TTC23L: variants seen among roughly 807,000 people sequenced by gnomAD.
TTC23L encodes tetratricopeptide repeat domain 23 like, also known as tetratricopeptide repeat protein 23-like.
Under a neutral mutation model 48.1 loss-of-function variants are expected in TTC23L, and 42 were observed. The ratio of observed to expected loss-of-function variants is 0.87; its 90% CI spans 0.68 to 1.13. The LOEUF (loss-of-function observed/expected upper bound fraction) is 1.13, where lower values mean the gene tolerates loss of function less well. Among genes scored for constraint, TTC23L ranks in the 50% most tolerant of loss-of-function variants. The probability of loss-of-function intolerance (pLI) is 0.00; values close to 1 mark genes in which losing one functional copy is unlikely to be tolerated. For synonymous variants in TTC23L, 159 were observed against 157.2 expected (o/e 1.01, Z -0.09); for missense variants, 391 against 421.0 (o/e 0.93, Z 0.62).
chr5:34,915,652 G>C, the TTC23L span: 1 of 1,444,998 alleles, frequency 6.9e-7, no homozygotes, highest in East Asian at 2.6e-5. Flanking sequence ...GGAGCTGAGC[G>C]CTTAGAGCCG....
At chr5:34,925,346 G>C in the TTC23L span, 2 of 1,613,820 alleles carry the variant, frequency 1.2e-6, no homozygotes, top group African/African-American at 1.3e-5. Context: ...TCCCACTGCA[G>C]ATGTTTTTGT....
chr5:34,880,441 A>C (rs1762148090), intron 9 of TTC23L, 133 bp downstream of exon 9: 1 of 970,060 alleles, frequency 1.0e-6, no homozygotes, highest in Admixed American at 3.1e-5. Context: ...ACATTGTTTC[A>C]TTCTTTGCTA....
chr5:34,848,509 G>A (rs1311728611), intron 3 of TTC23L, among the ~76,000 whole-genome samples: 1 of 152,108 alleles, frequency 6.6e-6, no homozygotes, highest in Admixed American at 6.6e-5. Flanking sequence ...AATAGTAATA[G>A]CTAATAAAAT....
intron 9 of TTC23L, among the ~76,000 whole-genome samples, chr5:34,889,323 A>T: frequency 6.6e-6 from 1 of 151,528 alleles, no homozygotes; most frequent in Admixed American, 6.6e-5. Flanking sequence ...TTTGGACTCA[A>T]ATAAGTGTGA....
At chr5:34,923,807 A>C in the TTC23L span, among the ~76,000 whole-genome samples, 1 of 152,168 alleles carries the variant, frequency 6.6e-6, no homozygotes, top group Non-Finnish European at 1.5e-5. Flanking sequence ...CCCTAAAGAG[A>C]TTGCTGCAAG....
At chr5:34,925,125 A>G in the TTC23L span, 2 of 1,441,140 alleles carry the variant, frequency 1.4e-6, no homozygotes, top group Non-Finnish European at 1.8e-6. Flanking sequence ...TTTTCATGAC[A>G]CTGGCTGAAA....
At chr5:34,850,480 A>C (rs777141120) in intron 4 of TTC23L, among the ~76,000 whole-genome samples, 172 bp downstream of exon 4, 2 of 152,144 alleles carry the variant, frequency 1.3e-5, no homozygotes, top group Non-Finnish European at 2.9e-5. Flanking sequence ...GGATCTAAGT[A>C]ATAAAGATAA....
downstream of TTC23L, among the ~76,000 whole-genome samples, chr5:34,902,043 C>T (rs781336611): frequency 3.3e-5 from 5 of 152,162 alleles, no homozygotes; most frequent in Non-Finnish European, 7.3e-5. Flanking sequence ...GTGAATTTAG[C>T]GACAGAGAAA....
intron 8 of TTC23L, among the ~76,000 whole-genome samples, chr5:34,870,768 G>A (rs1427431776): frequency 6.6e-6 from 1 of 152,084 alleles, no homozygotes; most frequent in Non-Finnish European, 1.5e-5. Context: ...GGGTGGTATG[G>A]TCACAGACCT....
At chr5:34,853,208 G>A (rs1203047055) in intron 4 of TTC23L, among the ~76,000 whole-genome samples, 1 of 152,142 alleles carries the variant, frequency 6.6e-6, no homozygotes, top group Non-Finnish European at 1.5e-5. Context: ...GCAAGTTGAG[G>A]CCATAGGAGT....
chr5:34,839,682 G>A, intron 1 of TTC23L: 1 of 985,108 alleles, frequency 1.0e-6, no homozygotes. Flanking sequence ...GGCTCGGTGG[G>A]AATTAGTGAT....
chr5:34,920,563 A>G, the TTC23L span: 1 of 152,200 alleles, frequency 6.6e-6, no homozygotes, highest in Non-Finnish European at 1.5e-5. Flanking sequence ...TGGAACTTAC[A>G]TTCTAATGGA....
chr5:34,891,130 TAGTA>T (rs1762841414), intron 9 of TTC23L, among the ~76,000 whole-genome samples: 1 of 152,170 alleles, frequency 6.6e-6, no homozygotes. Context: ...AATAACAAAA[TAGTA>T]ATAATAACAA....
chr5:34,844,873 G>A (rs937841028), intron 2 of TTC23L, among the ~76,000 whole-genome samples: 1 of 152,090 alleles, frequency 6.6e-6, no homozygotes, highest in Admixed American at 6.5e-5. Flanking sequence ...TGTCTCTGGT[G>A]GGACCCGTGT....
chr5:34,877,327 C>T (rs114693020), intron 8 of TTC23L, among the ~76,000 whole-genome samples: 179 of 149,332 alleles, frequency 1.2e-3, no homozygotes, highest in African/African-American at 4.2e-3. Context: ...TGATAAGTCA[C>T]ATCTACAAAA....
chr5:34,908,536 G>C, the TTC23L span: 3 of 379,908 alleles, frequency 7.9e-6, no homozygotes, highest in Non-Finnish European at 1.4e-5. Context: ...CAGAACTAAA[G>C]GACAGTCCTG....
chr5:34,924,763 C>A, the TTC23L span: 1 of 796,008 alleles, frequency 1.3e-6, no homozygotes, highest in South Asian at 2.2e-5. Context: ...TTATTTCAGG[C>A]ACATTTATAA....
chr5:34,868,545 C>T, intron 7 of TTC23L: 2 of 173,812 alleles, frequency 1.2e-5, no homozygotes, highest in Non-Finnish European at 2.5e-5. Context: ...TCTTATTATC[C>T]CTGATTTACA....
the TTC23L span, chr5:34,925,338 C>A: frequency 6.2e-7 from 1 of 1,613,842 alleles, no homozygotes; most frequent in Non-Finnish European, 8.5e-7. Context: ...CCACATGATC[C>A]CACTGCAGAT....
Sources: allele counts gnomAD v4.1 joint callset (sites outside exome capture counted in the v4.1 genomes callset), GRCh38; gene constraint gnomAD v4.1.1; transcripts MANE v1.5; gene names NCBI Gene and HGNC (gene_info 2026-07-23, HGNC 2026-07-21).